Variants in UGGT2 observed in about 807,000 individuals in gnomAD.
The protein encoded by UGGT2 is UDP-glucose:glycoprotein glucosyltransferase 2.
A neutral mutation model predicts 192.1 loss-of-function variants in UGGT2; 180 were observed. The observed-to-expected ratio is 0.94, with a 90% CI of 0.83 to 1.06. The LOEUF (loss-of-function observed/expected upper bound fraction) is 1.06, where lower values mean the gene tolerates loss of function less well. Ranked by LOEUF, UGGT2 falls within the 50% of genes least tolerant of loss-of-function variation. The probability of loss-of-function intolerance (pLI) is 0.00; values close to 1 mark genes in which losing one functional copy is unlikely to be tolerated. For missense variants in UGGT2, 1,849 were observed against 1,795.7 expected, an observed-to-expected ratio of 1.03 and a Z score of -0.54; for synonymous variants, 580 against 591.0, an observed-to-expected ratio of 0.98 and a Z score of 0.27.
At chr13:96,022,695 C>T (rs1397789079) in intron 4 of UGGT2, among the ~76,000 whole-genome samples, 2 of 151,846 alleles carry the variant, frequency 1.3e-5, no homozygotes, top group East Asian at 3.9e-4. Context: ...GAAGCAACCT[C>T]ATCTATTGTT....
intron 2 of UGGT2, among the ~76,000 whole-genome samples, chr13:96,030,940 A>G (rs1417703753): frequency 6.6e-6 from 1 of 152,232 alleles, no homozygotes; most frequent in African/African-American, 2.4e-5. Context: ...ATGGTTTAAG[A>G]GTCAAAGTAT....
intron 34 of UGGT2, among the ~76,000 whole-genome samples, chr13:95,855,106 T>TAAAAA (rs10713359): frequency 2.0e-5 from 1 of 49,918 alleles, no homozygotes. Flanking sequence ...ACCCTGTCTG[T>TAAAAA]AAAAAAAAAA....
intron 32 of UGGT2, among the ~76,000 whole-genome samples, chr13:95,860,129 T>C (rs555111247): frequency 6.6e-6 from 1 of 152,038 alleles, no homozygotes; most frequent in Non-Finnish European, 1.5e-5. Context: ...TGAAGTTCCA[T>C]TTTAACGTAT....
chr13:95,857,680 T>A (rs755252968), intron 33 of UGGT2, among the ~76,000 whole-genome samples: 1 of 152,184 alleles, frequency 6.6e-6, no homozygotes, highest in Admixed American at 6.6e-5. Flanking sequence ...CTTTTCTGAG[T>A]ATATGTTATA....
chr13:95,947,900 T>C (rs886683016), intron 14 of UGGT2, 96 bp downstream of exon 14: 1 of 946,628 alleles, frequency 1.1e-6, no homozygotes. Flanking sequence ...GAGCTAACCA[T>C]CGCTTTGAAT....
chr13:95,900,305 T>C (rs905033247), intron 22 of UGGT2, among the ~76,000 whole-genome samples: 9 of 152,148 alleles, frequency 5.9e-5, no homozygotes, highest in African/African-American at 2.2e-4. Context: ...ATTAGGGTGG[T>C]TGGAGAGTAA....
chr13:95,854,342 T>G lies in UGGT2; in HGVS notation c.4142A>C (p.His1381Pro), dbSNP rs45454901. Residue 1381 changes from histidine (H) to proline (P), a missense_variant, in exon 35 of 39, where the codon CAT (histidine) becomes CCT (proline). Transcript: ENST00000376747. ...GATATGGTATTTCCGTCTTAAAAGA[T>G]GTGATGCCCAGTATCCTGTTTTCCA... is the stretch of plus-strand genomic sequence containing the variant. ...RFWKTGYWAS[H>P]LLRRKYHISA... The G allele has an allele frequency of 3.1e-6, 5 of 1,613,308 alleles. No individual in the cohort carries two copies. The East Asian group carries it at 1.1e-4, about 36-fold the overall frequency.
At chr13:95,859,253 T>C (rs1187667909) in intron 33 of UGGT2, among the ~76,000 whole-genome samples, 15 of 152,180 alleles carry the variant, frequency 9.9e-5, no homozygotes, top group African/African-American at 1.9e-4. Context: ...CTACTACTGT[T>C]TCTGCCTATC....
rs1212323559 is a variant in UGGT2, at chr13:96,006,462, T to A, written c.660+6845A>T. Among the ~76,000 whole-genome samples, 5 of 151,658 alleles carry A rather than the reference T, an allele frequency of 3.3e-5. 1 individual carries two copies. The Middle Eastern group carries it at 0.01, about 310-fold the overall frequency. ...CAACATGGAGAAACCATGTCTCTAC[T>A]AAAAATACAAAAACTAGCCAGGCAT... On this transcript the variant is annotated intron_variant, in intron 5 of 38. Coordinates refer to ENST00000376747, the MANE Select transcript of UGGT2 (RefSeq NM_020121.4).
At chr13:96,023,856 A>AAACTTCAGATATGAT in intron 2 of UGGT2, 97 bp from the exon 3 acceptor site, 1 of 1,046,812 alleles carries the variant, frequency 9.6e-7, no homozygotes, top group Non-Finnish European at 1.3e-6. Flanking sequence ...TCATATAATC[A>AAACTTCAGATATGAT]TATCTGAAGT....
chr13:95,978,334 G>C (rs1268619864), intron 10 of UGGT2, among the ~76,000 whole-genome samples: 1 of 152,084 alleles, frequency 6.6e-6, no homozygotes, highest in Non-Finnish European at 1.5e-5. Context: ...GCCTTCTTTT[G>C]AGAAATGCCT....
intron 11 of UGGT2, 112 bp from the exon 12 acceptor site, chr13:95,970,374 T>A: frequency 1.1e-6 from 1 of 904,546 alleles, no homozygotes; most frequent in Non-Finnish European, 1.7e-6. Flanking sequence ...GTATCTTCAT[T>A]AATAGCAGGA....
chr13:95,869,966 A>G (rs889670874), intron 29 of UGGT2, among the ~76,000 whole-genome samples: 4 of 152,238 alleles, frequency 2.6e-5, no homozygotes, highest in African/African-American at 4.8e-5. Context: ...AAAACAATTT[A>G]TATTTTCAGA....
chr13:95,927,489 A>G (rs962893390), intron 17 of UGGT2, among the ~76,000 whole-genome samples, 153 bp from the exon 18 acceptor site: 4 of 72,284 alleles, frequency 5.5e-5, no homozygotes, highest in Admixed American at 1.4e-4. Context: ...TTTTTTTTTT[A>G]TTCTTCAGTT....
rs551080479 is a variant in UGGT2 at position 95,928,643 on chromosome 13, C to T, written c.1978-1307G>A. ...CCCCACATCCCAGAAGGTGGGTAGC[C>T]GGGCAGAGACGCTCCTCACTTCCTA... On this transcript the variant is annotated intron_variant, in intron 17 of 38. Transcript: ENST00000376747. Among the ~76,000 whole-genome samples the T allele has an allele frequency of 8.4e-4, 127 of 151,868 alleles. 1 individual carries two copies. The highest frequency in any genetic ancestry group is 6.2e-4 in the Non-Finnish European group (42 of 67,936).
intron 37 of UGGT2, among the ~76,000 whole-genome samples, chr13:95,835,551 C>T (rs1431411331): frequency 2.6e-5 from 4 of 152,280 alleles, no homozygotes; most frequent in African/African-American, 9.6e-5. Flanking sequence ...TTCTAACATG[C>T]TGGCATGCTA....
chr13:95,881,939 C>T (rs1224589683), intron 27 of UGGT2, among the ~76,000 whole-genome samples: 3 of 149,298 alleles, frequency 2.0e-5, no homozygotes, highest in Non-Finnish European at 4.4e-5. Flanking sequence ...GACAGAATCT[C>T]GCTCCGTCAC....
intron 1 of UGGT2, among the ~76,000 whole-genome samples, chr13:96,035,114 T>C (rs1005132379): frequency 3.2e-4 from 48 of 152,142 alleles, no homozygotes; most frequent in African/African-American, 1.2e-3. Context: ...CAAGACAATC[T>C]GAAGCAAAAA....
chr13:95,992,835 T>G (rs930480079), intron 7 of UGGT2, among the ~76,000 whole-genome samples: 14 of 152,166 alleles, frequency 9.2e-5, no homozygotes, highest in Non-Finnish European at 1.6e-4. Flanking sequence ...GAAATGTAAA[T>G]TAGATCAGCC....
Sources: allele counts gnomAD v4.1 joint callset (sites outside exome capture counted in the v4.1 genomes callset), GRCh38; gene constraint gnomAD v4.1.1; transcripts MANE v1.5; gene names NCBI Gene and HGNC (gene_info 2026-07-23, HGNC 2026-07-21).